Variants in ZNF609 observed in about 807,000 individuals in gnomAD.
ZNF609 encodes zinc finger protein 609.
A neutral mutation model predicts 109.5 loss-of-function variants in ZNF609; 11 were observed. The observed-to-expected ratio is 0.10, with a 90% confidence interval of 0.06 to 0.17. The LOEUF is 0.17. Among genes scored for constraint, ZNF609 ranks in the 10% least tolerant of loss-of-function variants. ZNF609 has a pLI of 1.00. For synonymous variants in ZNF609, 646 were observed against 662.0 expected, an observed-to-expected ratio of 0.98 and a Z score of 0.37; for missense variants, 1,559 against 1,772.4, an observed-to-expected ratio of 0.88 and a Z score of 2.16.
intron 1 of ZNF609, among the ~76,000 whole-genome samples, chr15:64,473,634 C>G (rs1272150541): frequency 6.6e-6 from 1 of 151,780 alleles, no homozygotes; most frequent in Non-Finnish European, 1.5e-5. Flanking sequence ...GAGACAGAGT[C>G]TTGCTCTGTC....
At chr15:64,580,100 G>A (rs145370013) in intron 2 of ZNF609, among the ~76,000 whole-genome samples, 44 of 152,258 alleles carry the variant, frequency 2.9e-4, no homozygotes, top group African/African-American at 9.9e-4. Context: ...GGAAGAAGAG[G>A]GCAAGAGAGT....
At chr15:64,466,540 G>T (rs1178410352) in intron 1 of ZNF609, among the ~76,000 whole-genome samples, 1 of 152,162 alleles carries the variant, frequency 6.6e-6, no homozygotes, top group Non-Finnish European at 1.5e-5. Flanking sequence ...GGAAAGTGAG[G>T]CCAGACTATG....
rs71133442 is a variant in ZNF609 at position 64,573,346 on chromosome 15, C to CTTTTTTTTT, written c.748-49463_748-49455dup. ...GCAGTAGAGTTAGTGGCCCAACTTT[C>CTTTTTTTTT]TTTTTTTTTTTTTTTTTTTTTTTTT... On this transcript the variant is annotated intron_variant, in intron 2 of 9. Transcript: ENST00000326648. Among the ~76,000 whole-genome samples the CTTTTTTTTT allele has an allele frequency of 3.4e-3, 245 of 72,970 alleles. 63 individuals carry two copies. The highest frequency in any genetic ancestry group is 4.6e-3 in the Non-Finnish European group (188 of 41,040). The allele number at this position is 72,970 out of a possible 152,430, so 47.9% of individuals were successfully genotyped here. A position where few individuals can be genotyped will look rare whatever the true frequency, so the allele number is the denominator to read the frequency against.
chr15:64,545,888 C>T (rs571020788), intron 2 of ZNF609, among the ~76,000 whole-genome samples: 9 of 152,176 alleles, frequency 5.9e-5, no homozygotes, highest in African/African-American at 2.2e-4. Context: ...TATAGATATA[C>T]CACATTTGCT....
chr15:64,629,989 G>C (rs1325754096), intron 3 of ZNF609, among the ~76,000 whole-genome samples: 1 of 151,618 alleles, frequency 6.6e-6, no homozygotes, highest in Non-Finnish European at 1.5e-5. Context: ...TATTAAATTC[G>C]AATGTCTAAA....
chr15:64,685,231 G>A lies in ZNF609; in HGVS notation c.*3545G>A, dbSNP rs925291690. The A allele has an allele frequency of 6.6e-6, 1 of 152,048 alleles. No homozygotes were observed. The highest frequency in any genetic ancestry group is 1.5e-5 in the Non-Finnish European group (1 of 67,972). 9.4% of individuals were successfully genotyped at this position (152,048 alleles called of 1,614,324 possible). On this transcript the variant is annotated 3_prime_UTR_variant, in exon 10 of 10. Transcript: ENST00000326648. ...TTTTTGCCTTTGTACATTCAGGCAA[G>A]AAGAGAAAATAAATCTTTTTAAGAG...
chr15:64,604,123 A>G (rs563199334), intron 2 of ZNF609, among the ~76,000 whole-genome samples: 1 of 151,968 alleles, frequency 6.6e-6, no homozygotes, highest in South Asian at 2.1e-4. Context: ...TACTTTAATT[A>G]CTTGTTCACA....
At chr15:64,671,182 C>T (rs1294981146) in intron 4 of ZNF609, 3 of 142,660 alleles carry the variant, frequency 2.1e-5, no homozygotes, top group African/African-American at 8.0e-5. Flanking sequence ...TGCACTCCAG[C>T]CTGGGGGACA....
At chr15:64,667,290 G>A (rs1317430863) in intron 3 of ZNF609, among the ~76,000 whole-genome samples, 1 of 152,234 alleles carries the variant, frequency 6.6e-6, no homozygotes, top group African/African-American at 2.4e-5. Flanking sequence ...ATGAATATAA[G>A]TGAGTTACTA....
chr15:64,685,119 G>A lies in ZNF609; in HGVS notation c.*3433G>A, dbSNP rs1297181406. ...TGTTGAATTTAATTTCAGTCTTCCT[G>A]ATTCTTCCCTTCTGTAAAGTGTACA... On this transcript the variant is annotated 3_prime_UTR_variant, in exon 10 of 10. Transcript: ENST00000326648. The A allele has an allele frequency of 3.9e-5, 6 of 152,140 alleles. No individual in the cohort carries two copies. The South Asian group carries it at 1.0e-3, about 26-fold the overall frequency. The allele number at this position is 152,140 out of a possible 1,614,324, so 9.4% of individuals were successfully genotyped here. A position where few individuals can be genotyped will look rare whatever the true frequency, so the allele number is the denominator to read the frequency against.
At chr15:64,565,749 A>G (rs1006133002) in intron 2 of ZNF609, among the ~76,000 whole-genome samples, 3 of 152,218 alleles carry the variant, frequency 2.0e-5, no homozygotes, top group African/African-American at 7.2e-5. Flanking sequence ...AAAATTCACC[A>G]TAGTTTTGAC....
intron 2 of ZNF609, among the ~76,000 whole-genome samples, chr15:64,613,650 A>G (rs1297810613): frequency 6.6e-6 from 1 of 152,044 alleles, no homozygotes; most frequent in African/African-American, 2.4e-5. Context: ...TGCCGGGTTC[A>G]AGGGATTCTC....
At position 64,654,283 on chromosome 15, in the gene ZNF609, C is replaced by T. The variant is rs900405523; in HGVS notation, c.974-16063C>T. 5 of 152,252 alleles carry T rather than the reference C, an allele frequency of 3.3e-5. No individual in the cohort carries two copies. The East Asian group carries it at 9.6e-4, about 29-fold the overall frequency. 9.4% of individuals were successfully genotyped at this position (152,252 alleles called of 1,614,324 possible). A position where few individuals can be genotyped will look rare whatever the true frequency, so the allele number is the denominator to read the frequency against. ...AACTCCTGACTTCAGGTGATTCACC[C>T]GCCTCAGCTTCCCAAAGTGCTGGGA... On this transcript the variant is annotated intron_variant, in intron 3 of 9. Transcript: ENST00000326648.
intron 3 of ZNF609, among the ~76,000 whole-genome samples, chr15:64,654,628 T>C (rs1896463616): frequency 6.6e-6 from 1 of 152,174 alleles, no homozygotes; most frequent in African/African-American, 2.4e-5. Flanking sequence ...TCAACTGGAT[T>C]GTAAAGTGTG....
At chr15:64,474,698 A>G (rs979829007) in intron 1 of ZNF609, among the ~76,000 whole-genome samples, 1 of 152,200 alleles carries the variant, frequency 6.6e-6, no homozygotes, top group Non-Finnish European at 1.5e-5. Context: ...TTGGACTTGT[A>G]GTCTAGTGGG....
intron 3 of ZNF609, among the ~76,000 whole-genome samples, chr15:64,658,486 C>T (rs942918737): frequency 2.6e-5 from 4 of 151,858 alleles, no homozygotes; most frequent in Admixed American, 2.0e-4. Context: ...TGTGAGCCAC[C>T]GCGTCCAGCC....
intron 2 of ZNF609, among the ~76,000 whole-genome samples, chr15:64,556,379 C>T (rs539796924): frequency 2.0e-5 from 3 of 150,188 alleles, no homozygotes; most frequent in South Asian, 2.1e-4. Context: ...GTGATCTTCC[C>T]GCCTCAGCTT....
chr15:64,577,518 T>C (rs1381676749), intron 2 of ZNF609, among the ~76,000 whole-genome samples: 3 of 57,060 alleles, frequency 5.3e-5, no homozygotes, highest in South Asian at 4.1e-4. Context: ...TGTATATATA[T>C]ACACATATAA....
intron 2 of ZNF609, among the ~76,000 whole-genome samples, chr15:64,546,547 A>G (rs1362626742): frequency 1.3e-5 from 2 of 151,088 alleles, no homozygotes; most frequent in East Asian, 4.0e-4. Context: ...ATCAGGGCTC[A>G]CCACAGCCCC....
Sources: allele counts gnomAD v4.1 joint callset (sites outside exome capture counted in the v4.1 genomes callset), GRCh38; gene constraint gnomAD v4.1.1; transcripts MANE v1.5; gene names NCBI Gene and HGNC (gene_info 2026-07-23, HGNC 2026-07-21).